SLF2: variants seen among roughly 807,000 people sequenced by gnomAD.
The protein encoded by SLF2 is SMC5-SMC6 complex localization factor protein 2.
SLF2 carries 68 observed loss-of-function variants against 124.3 expected under a neutral mutation model. The observed-to-expected ratio is 0.55, with a 90% CI of 0.45 to 0.67. The LOEUF (loss-of-function observed/expected upper bound fraction) is 0.67. Ranked by LOEUF, SLF2 falls within the 30% of genes least tolerant of loss-of-function variation. The probability of loss-of-function intolerance (pLI) is 0.00; values close to 1 mark genes in which losing one functional copy is unlikely to be tolerated. For missense variants in SLF2, 1,246 were observed against 1,373.7 expected (o/e 0.91, Z 1.47); for synonymous variants, 480 against 478.8 (o/e 1.00, Z -0.03).
chr10:100,954,523 T>C (rs1850288648), intron 17 of SLF2, among the ~76,000 whole-genome samples: 1 of 152,224 alleles, frequency 6.6e-6, no homozygotes, highest in Non-Finnish European at 1.5e-5. Context: ...AAAGTGTTCA[T>C]TTACGTTCTC....
rs947170235 is a variant in SLF2 at position 100,964,567 on chromosome 10, AT to A, written c.*2659del. 17 of 152,724 alleles carry A rather than the reference AT, an allele frequency of 1.1e-4. No homozygotes were observed. The highest frequency in any genetic ancestry group is 3.6e-4 in the African/African-American group (15 of 41,552). The allele number at this position is 152,724 out of a possible 1,614,324, so 9.5% of individuals were successfully genotyped here. On this transcript the variant is annotated 3_prime_UTR_variant, in exon 20 of 20. Transcript: ENST00000238961. Reference sequence around the variant, plus strand: ...CTTTGTCACCTTTTGGAAGGTTTGCATTTTGTTTCTGCTTTCAAGCGCAAAT... The same window carrying A: ...CTTTGTCACCTTTTGGAAGGTTTGCATTTGTTTCTGCTTTCAAGCGCAAAT...
chr10:100,949,242 T>C (rs1850164645), intron 15 of SLF2, among the ~76,000 whole-genome samples: 1 of 152,248 alleles, frequency 6.6e-6, no homozygotes, highest in Non-Finnish European at 1.5e-5. Flanking sequence ...CATTGATATT[T>C]ACTGCCTTCA....
chr10:100,950,943 A>AT (rs1850199783), intron 17 of SLF2, among the ~76,000 whole-genome samples, 190 bp downstream of exon 17: 1 of 152,058 alleles, frequency 6.6e-6, no homozygotes, highest in Non-Finnish European at 1.5e-5. Flanking sequence ...ACTATATCGT[A>AT]TTGAAAAGAA....
In SLF2 at chr10:100,964,124, C is replaced by T. The variant is rs1192414139; in HGVS notation, c.*2212C>T. ...TTCCAAATCAAGTATTTTACTTCTC[C>T]CTTGAGTCCCCATGCTTTGTCTCCC... On this transcript the variant is annotated 3_prime_UTR_variant, in exon 20 of 20. Coordinates refer to ENST00000238961, the MANE Select transcript of SLF2 (RefSeq NM_018121.4). 6.6e-6 allele frequency: 1 copy of T among 152,574 alleles called. No homozygotes were observed. Among genetic ancestry groups the T allele is most frequent in the Non-Finnish European group, 1.5e-5 (1 of 68,036 alleles). The allele number at this position is 152,574 out of a possible 1,614,324, so 9.5% of individuals were successfully genotyped here. A position where few individuals can be genotyped will look rare whatever the true frequency, so the allele number is the denominator to read the frequency against.
chr10:100,918,291 A>G (rs1849459427), intron 3 of SLF2, 93 bp from the exon 4 acceptor site: 2 of 739,260 alleles, frequency 2.7e-6, no homozygotes, highest in Non-Finnish European at 4.4e-6. Context: ...GCCTTATTCA[A>G]TCTAGAAATC....
chr10:100,956,416 G>C, intron 17 of SLF2, 35 bp from the exon 18 acceptor site: 2 of 1,456,164 alleles, frequency 1.4e-6, no homozygotes, highest in South Asian at 1.2e-5. Context: ...TAATGCTTCA[G>C]AATTGTTTTC....
chr10:100,917,204 T>G lies in SLF2; in HGVS notation c.819T>G (p.Leu273=). ...SENSFSEASS[L]SLKSSIERKY... ...ATTCTTTCTCAGAAGCAAGCAGTCT[T>G]TCCTTAAAATCTAGTATAGAAAGAA... Residue 273 remains leucine, a synonymous_variant, in exon 3 of 20, where the codon CTT becomes CTG. Transcript: ENST00000238961. The G allele has an allele frequency of 6.2e-7, 1 of 1,614,066 alleles. No homozygotes were observed. The highest frequency in any genetic ancestry group is 2.2e-5 in the East Asian group (1 of 44,880).
chr10:100,942,555 G>A (rs1850001581), intron 11 of SLF2, among the ~76,000 whole-genome samples: 1 of 151,998 alleles, frequency 6.6e-6, no homozygotes, highest in Non-Finnish European at 1.5e-5. Flanking sequence ...AAGTCTTGCT[G>A]TCGCCCAGGC....
At chr10:100,913,383 A>G in intron 1 of SLF2, 133 bp downstream of exon 1, 2 of 1,361,352 alleles carry the variant, frequency 1.5e-6, no homozygotes, top group Non-Finnish European at 1.9e-6. Context: ...GGCCTGGCAA[A>G]TCCCCGCCCC....
intron 11 of SLF2, 86 bp downstream of exon 11, chr10:100,938,822 T>G: frequency 2.4e-6 from 3 of 1,248,790 alleles, no homozygotes; most frequent in Non-Finnish European, 2.1e-6. Flanking sequence ...TATTTATTTC[T>G]GATTTTTAAA....
intron 18 of SLF2, among the ~76,000 whole-genome samples, chr10:100,957,484 G>A (rs1412980469): frequency 6.6e-6 from 1 of 150,748 alleles, no homozygotes; most frequent in Non-Finnish European, 1.5e-5. Context: ...CCAAGTAACT[G>A]GGATTACAGG....
intron 1 of SLF2, 110 bp downstream of exon 1, chr10:100,913,360 G>A: frequency 7.3e-7 from 1 of 1,374,952 alleles, no homozygotes. Context: ...GAGCTCAGGC[G>A]TTGGCATTTC....
rs1462065517 is a variant in SLF2, at chr10:100,916,887, C to T, written c.502C>T (p.His168Tyr). The T allele has an allele frequency of 6.2e-7, 1 of 1,614,156 alleles. No homozygotes were observed. Among genetic ancestry groups the T allele is most frequent in the South Asian group, 1.1e-5 (1 of 91,088 alleles). Residue 168 changes from histidine (H) to tyrosine (Y), a missense_variant, in exon 3 of 20, where the codon CAT becomes TAT. Around this residue, in one of 3 missense-constraint regions of SLF2, gnomAD observed 698 missense variants for 708.9 expected, o/e 0.98. Coordinates refer to ENST00000238961, the MANE Select transcript of SLF2 (RefSeq NM_018121.4). ...GGAGATGAAGTCACTAAAGAAAAAACATCGATCCCCAGAGAGAAGGAAGTC... is the reference window on the plus strand; with the variant it reads ...GGAGATGAAGTCACTAAAGAAAAAATATCGATCCCCAGAGAGAAGGAAGTC... ...PKEMKSLKKK[H>Y]RSPERRKSLF...
At chr10:100,959,531 A>G in intron 19 of SLF2, 35 bp downstream of exon 19, 2 of 1,611,238 alleles carry the variant, frequency 1.2e-6, no homozygotes, top group Non-Finnish European at 1.7e-6. Context: ...TGTATTCTTA[A>G]TAGTTTTGCT....
chr10:100,923,844 T>C, intron 4 of SLF2, 131 bp from the exon 5 acceptor site: 1 of 634,884 alleles, frequency 1.6e-6, no homozygotes, highest in East Asian at 3.1e-5. Context: ...CTGCATTCCA[T>C]ATATGGTGAC....
chr10:100,916,508 TTAGA>T (rs1284901175), intron 2 of SLF2, 58 bp from the exon 3 acceptor site: 6 of 1,183,164 alleles, frequency 5.1e-6, no homozygotes, highest in African/African-American at 4.7e-5. Flanking sequence ...CATTAATAAT[TTAGA>T]TAAATATTAA....
chr10:100,925,062 T>A lies in SLF2; in HGVS notation c.1971+90T>A, dbSNP rs1192218621. On this transcript the variant is annotated intron_variant, in intron 5 of 19. Coordinates refer to ENST00000238961, the MANE Select transcript of SLF2 (RefSeq NM_018121.4). ...TGGATTATCGGAACTTACTTTAAAA[T>A]TTAGTATTTATTATAACTCATATTT... The A allele has an allele frequency of 8.5e-6, 11 of 1,300,430 alleles. No individual in the cohort carries two copies. In the East Asian group the frequency reaches 2.1e-4, roughly 25 times the overall value. The allele number at this position is 1,300,430 out of a possible 1,614,324, so 80.6% of individuals were successfully genotyped here. A position where few individuals can be genotyped will look rare whatever the true frequency, so the allele number is the denominator to read the frequency against.
Position 100,963,158 on chromosome 10 carries a change from T to G in SLF2, c.*1246T>G, listed in dbSNP as rs1409731638. 5.3e-5 allele frequency: 8 copies of G among 152,292 alleles called. No homozygotes were observed. Among genetic ancestry groups the G allele is most frequent in the Non-Finnish European group, 1.2e-4 (8 of 67,994 alleles). 9.4% of individuals were successfully genotyped at this position (152,292 alleles called of 1,614,324 possible). ...CTGAGTGCTCTAGTGTCTCCAGTTG[T>G]GGGGGGGAAAGATGATGGAGGGGAA... On this transcript the variant is annotated 3_prime_UTR_variant, in exon 20 of 20. Coordinates refer to ENST00000238961, the MANE Select transcript of SLF2 (RefSeq NM_018121.4).
intron 11 of SLF2, among the ~76,000 whole-genome samples, chr10:100,942,233 A>T (rs538529377): frequency 6.6e-6 from 1 of 152,142 alleles, no homozygotes. Flanking sequence ...CCACCACTTC[A>T]TATGGAATCA....
Sources: allele counts gnomAD v4.1 joint callset (sites outside exome capture counted in the v4.1 genomes callset), GRCh38; gene constraint gnomAD v4.1.1; regional missense constraint gnomAD v4.1.1; transcripts MANE v1.5; gene names NCBI Gene and HGNC (gene_info 2026-07-23, HGNC 2026-07-21).